KIZ: variants seen among roughly 807,000 people sequenced by gnomAD.
The protein encoded by KIZ is centrosomal protein kizuna.
A neutral mutation model predicts 79.6 loss-of-function variants in KIZ; 68 were observed. The ratio of observed to expected loss-of-function variants is 0.85; its 90% CI spans 0.70 to 1.05. The LOEUF is 1.05. Among genes scored for constraint, KIZ ranks in the 50% least tolerant of loss-of-function variants. The probability of loss-of-function intolerance (pLI) is 0.00; values close to 1 mark genes in which losing one functional copy is unlikely to be tolerated. For synonymous variants in KIZ, 280 were observed against 281.8 expected (o/e 0.99, Z 0.06); for missense variants, 797 against 800.4 (o/e 1.00, Z 0.05).
At chr20:21,242,547 T>A (rs568355840) in intron 11 of KIZ, among the ~76,000 whole-genome samples, 72 of 96,494 alleles carry the variant, frequency 7.5e-4, no homozygotes, top group African/African-American at 2.9e-3. Flanking sequence ...CAGGAAGTAT[T>A]GCAGGGGGGT....
At chr20:21,215,549 A>G in intron 8 of KIZ, 34 bp from the exon 9 acceptor site, 1 of 1,358,842 alleles carries the variant, frequency 7.4e-7, no homozygotes, top group Admixed American at 1.9e-5. Context: ...TTAACTTTGA[A>G]ATACTTTTTT....
At position 21,145,668 on chromosome 20, in the gene KIZ, T is replaced by C. The variant is rs1190856780; in HGVS notation, c.405+14T>C. The C allele has an allele frequency of 1.6e-5, 19 of 1,183,516 alleles. No homozygotes were observed. The highest frequency in any genetic ancestry group is 2.2e-5 in the Non-Finnish European group (18 of 836,970). 73.3% of individuals were successfully genotyped at this position (1,183,516 alleles called of 1,614,324 possible). On this transcript the variant is annotated intron_variant, in intron 4 of 12. Coordinates refer to ENST00000619189, the MANE Select transcript of KIZ (RefSeq NM_018474.6). Reference sequence around the variant, plus strand: ...GACAGAGAAAAGGTAATAAACTAAATTGGTAACCTTTCTGTTAACAGAGGA... The same window carrying C: ...GACAGAGAAAAGGTAATAAACTAAACTGGTAACCTTTCTGTTAACAGAGGA...
intron 4 of KIZ, among the ~76,000 whole-genome samples, chr20:21,161,633 A>G (rs1298516747): frequency 6.6e-6 from 1 of 152,098 alleles, no homozygotes; most frequent in Non-Finnish European, 1.5e-5. Flanking sequence ...CACCCGGCTT[A>G]CTTTCTTTAC....
intron 12 of KIZ, chr20:21,246,215 T>A (rs2037381578): frequency 4.4e-6 from 2 of 451,696 alleles, no homozygotes. Context: ...TATCCTATAA[T>A]AAAGAGTTGG....
chr20:21,181,351 A>G (rs1043620530), intron 6 of KIZ, among the ~76,000 whole-genome samples: 6 of 152,238 alleles, frequency 3.9e-5, no homozygotes, highest in Non-Finnish European at 7.4e-5. Flanking sequence ...TTTTAAAAGG[A>G]CAAAGAGGAG....
At chr20:21,161,839 A>G (rs768000920) in intron 4 of KIZ, 32 bp from the exon 5 acceptor site, 6 of 1,521,604 alleles carry the variant, frequency 3.9e-6, no homozygotes, top group South Asian at 3.6e-5. Flanking sequence ...TATACACAGT[A>G]TGTTTAACTC....
intron 9 of KIZ, among the ~76,000 whole-genome samples, chr20:21,222,523 T>C (rs2036531819): frequency 6.6e-6 from 1 of 152,238 alleles, no homozygotes; most frequent in African/African-American, 2.4e-5. Context: ...GCTTTAAATA[T>C]TTTAATAAAA....
At chr20:21,184,856 A>C (rs1278718468) in intron 6 of KIZ, among the ~76,000 whole-genome samples, 2 of 152,220 alleles carry the variant, frequency 1.3e-5, no homozygotes, top group Non-Finnish European at 2.9e-5. Context: ...AGCCTGAGCA[A>C]CATAGCAAGA....
intron 9 of KIZ, among the ~76,000 whole-genome samples, chr20:21,221,641 GC>G (rs2036505519): frequency 6.6e-6 from 1 of 152,198 alleles, no homozygotes; most frequent in Admixed American, 6.5e-5. Flanking sequence ...GCTGAAATAT[GC>G]AGGGTAATAC....
rs575922614 is a variant in KIZ at position 21,174,607 on chromosome 20, A to G, written c.1352+11448A>G. Among the ~76,000 whole-genome samples the G allele has an allele frequency of 4.6e-5, 7 of 152,370 alleles. 1 individual carries two copies. The highest frequency in any genetic ancestry group is 7.2e-5 in the African/African-American group (3 of 41,594). ...GTGCTTTCCAACCTCAAATAGGCCAATGAAGTGCTATGTGCCTTTATTCAG... is the reference window on the plus strand; with the variant it reads ...GTGCTTTCCAACCTCAAATAGGCCAGTGAAGTGCTATGTGCCTTTATTCAG... On this transcript the variant is annotated intron_variant, in intron 6 of 12. Coordinates refer to ENST00000619189, the MANE Select transcript of KIZ (RefSeq NM_018474.6).
At chr20:21,156,235 A>G (rs1600401917) in intron 4 of KIZ, among the ~76,000 whole-genome samples, 1 of 152,188 alleles carries the variant, frequency 6.6e-6, no homozygotes, top group East Asian at 1.9e-4. Flanking sequence ...CAGATACATT[A>G]CTGTTAACTG....
At chr20:21,134,938 A>T (rs997726848) in intron 2 of KIZ, among the ~76,000 whole-genome samples, 2 of 152,018 alleles carry the variant, frequency 1.3e-5, no homozygotes, top group Non-Finnish European at 2.9e-5. Flanking sequence ...AAATGCTGGG[A>T]TTACAGCCAT....
At chr20:21,245,505 G>C (rs1192152730) in intron 12 of KIZ, 1 of 152,330 alleles carries the variant, frequency 6.6e-6, no homozygotes, top group East Asian at 1.9e-4. Flanking sequence ...GTGCGAGGAT[G>C]AGATGGGGTT....
intron 4 of KIZ, among the ~76,000 whole-genome samples, chr20:21,158,903 C>T (rs1392753530): frequency 6.6e-6 from 1 of 152,146 alleles, no homozygotes; most frequent in Admixed American, 6.5e-5. Flanking sequence ...AAGCAGTTCT[C>T]CTGCCTCAGT....
chr20:21,179,836 G>A (rs1007812545), intron 6 of KIZ, among the ~76,000 whole-genome samples: 22 of 152,000 alleles, frequency 1.4e-4, no homozygotes, highest in Non-Finnish European at 2.5e-4. Context: ...AGTTGTTAGT[G>A]TGTTGTTTAA....
intron 2 of KIZ, among the ~76,000 whole-genome samples, chr20:21,133,546 C>T (rs566331776): frequency 3.9e-5 from 6 of 152,326 alleles, no homozygotes; most frequent in Non-Finnish European, 5.9e-5. Context: ...TTTACCAAGC[C>T]GTCAGTTCAC....
At chr20:21,134,807 C>T (rs565113494) in intron 2 of KIZ, among the ~76,000 whole-genome samples, 138 of 151,922 alleles carry the variant, frequency 9.1e-4, no homozygotes, top group African/African-American at 2.3e-3. Context: ...GCTGGGATTA[C>T]GGACACATAC....
chr20:21,184,658 A>C (rs567809959), intron 6 of KIZ, among the ~76,000 whole-genome samples: 1 of 152,318 alleles, frequency 6.6e-6, no homozygotes, highest in Admixed American at 6.5e-5. Flanking sequence ...CTGAGTGGGA[A>C]AGCTTCCCTT....
chr20:21,135,545 T>G (rs2032138463), intron 2 of KIZ, among the ~76,000 whole-genome samples: 1 of 152,250 alleles, frequency 6.6e-6, no homozygotes, highest in Non-Finnish European at 1.5e-5. Flanking sequence ...TTTGGACATC[T>G]CCAGCATCTT....
Sources: gnomAD v4.1 joint callset for allele counts (sites outside exome capture counted in the v4.1 genomes callset) on GRCh38, gnomAD v4.1.1 for gene constraint, MANE v1.5 for transcripts, NCBI Gene and HGNC (gene_info 2026-07-23, HGNC 2026-07-21) for gene names.